Variants in ZNF668 observed in about 807,000 individuals in gnomAD.
ZNF668 encodes zinc finger protein 668.
Under a neutral mutation model 40.3 loss-of-function variants are expected in ZNF668, and 10 were observed. The observed-to-expected ratio is 0.25, with a 90% CI of 0.15 to 0.42. The LOEUF (loss-of-function observed/expected upper bound fraction) is 0.42, where lower values mean the gene tolerates loss of function less well. ZNF668 is among the 10% of genes least tolerant of loss of function. The pLI, the probability that ZNF668 is intolerant of heterozygous loss-of-function variation, is 1.00. For missense variants in ZNF668, 749 were observed against 904.6 expected (o/e 0.83, Z 2.21); for synonymous variants, 428 against 384.6 (o/e 1.11, Z -1.32).
chr16:31,062,373 G>A (rs1296789610), intron 2 of ZNF668, 93 bp from the exon 3 acceptor site: 2 of 1,473,254 alleles, frequency 1.4e-6, no homozygotes, highest in Non-Finnish European at 1.8e-6. Flanking sequence ...CTCCCCAAAC[G>A]TTCGTGGGGG....
chr16:31,074,157 G>A lies in ZNF668; in HGVS notation c.-521C>T, dbSNP rs1288301250. 1 of 152,234 alleles carries A rather than the reference G, an allele frequency of 6.6e-6. No individual in the cohort carries two copies. The highest frequency in any genetic ancestry group is 1.5e-5 in the Non-Finnish European group (1 of 68,056). The allele number at this position is 152,234 out of a possible 1,614,324, so 9.4% of individuals were successfully genotyped here. ...AAGTGTCACCAAAGTACTGTGGCCA[G>A]GGCTGTAGAATCTTTTTCTCCCTTT... On this transcript the variant is annotated 5_prime_UTR_variant, in exon 1 of 3. Transcript: ENST00000300849.
At chr16:31,063,353 A>G (rs1229174029) in intron 2 of ZNF668, among the ~76,000 whole-genome samples, 2 of 151,148 alleles carry the variant, frequency 1.3e-5, no homozygotes, top group African/African-American at 4.9e-5. Flanking sequence ...CTGGTCTTGA[A>G]CTCTTGGGCT....
chr16:31,068,855 C>G (rs948424027), intron 1 of ZNF668: 2 of 152,218 alleles, frequency 1.3e-5, no homozygotes, highest in African/African-American at 4.8e-5. Context: ...AGTGATCCTC[C>G]CACCGCAGCC....
At chr16:31,070,028 C>A (rs2057004697) in intron 1 of ZNF668, among the ~76,000 whole-genome samples, 1 of 152,346 alleles carries the variant, frequency 6.6e-6, no homozygotes, top group African/African-American at 2.4e-5. Context: ...CCTGCCTCGG[C>A]CTCCCAGAGT....
intron 2 of ZNF668, chr16:31,062,588 C>A (rs2056940899): frequency 6.9e-6 from 2 of 290,766 alleles, no homozygotes; most frequent in East Asian, 7.5e-5. Context: ...CACGGTGAAA[C>A]CCCGTCTCTA....
intron 2 of ZNF668, 187 bp from the exon 3 acceptor site, chr16:31,062,467 A>G: frequency 1.3e-6 from 1 of 794,116 alleles, no homozygotes; most frequent in East Asian, 2.8e-5. Context: ...TATTCCAAAG[A>G]CCTGTCTCTG....
In ZNF668 at chr16:31,061,702, T is replaced by A; in HGVS notation, c.1226A>T (p.Lys409Met). ...KSFVVSSSLR[K>M]HERTHRSSEA... ...ACTGCTTCGATGGGTCCGCTCGTGCTTCCTCAGGCTCGACGACACCACAAA... is the reference window on the plus strand; with the variant it reads ...ACTGCTTCGATGGGTCCGCTCGTGCATCCTCAGGCTCGACGACACCACAAA... The change falls in exon 3 of 3, where the codon AAG becomes ATG. Residue 409 changes from lysine (K) to methionine (M), a missense_variant. Transcript: ENST00000300849. This position sits in a 1 kb window ranked among gnomAD's most constrained non-coding sequence, Gnocchi z 7.7. 1.2e-6 allele frequency: 2 copies of A among 1,613,722 alleles called. No homozygotes were observed. The highest frequency in any genetic ancestry group is 8.5e-7 in the Non-Finnish European group (1 of 1,179,910).
chr16:31,060,920 T>C lies in ZNF668; in HGVS notation c.*148A>G. On this transcript the variant is annotated 3_prime_UTR_variant, in exon 3 of 3. Transcript: ENST00000300849. ...TCTCAGCTTCTGCCAGCCTCCACTG[T>C]CCCAGCTCTCTTAGCTGGCCGACAG... is the stretch of plus-strand genomic sequence containing the variant. 1.0e-6 allele frequency: 1 copy of C among 997,452 alleles called. No individual in the cohort carries two copies. The highest frequency in any genetic ancestry group is 3.2e-5 in the South Asian group (1 of 30,882). 61.8% of individuals were successfully genotyped at this position (997,452 alleles called of 1,614,324 possible). A position where few individuals can be genotyped will look rare whatever the true frequency, so the allele number is the denominator to read the frequency against.
rs1319617466 is a variant in ZNF668 at position 31,062,251 on chromosome 16, C to T, written c.677G>A (p.Cys226Tyr). Residue 226 changes from cysteine (C) to tyrosine (Y), a missense_variant, in exon 3 of 3, where the codon TGC becomes TAC. Coordinates refer to ENST00000300849, the MANE Select transcript of ZNF668 (RefSeq NM_024706.5). ...RSHTGERPFL[C>Y]SECGKSFSRS... ...GGAGAAGCTCTTCCCGCACTCGGAG[C>T]AGAGGAAGGGGCGCTCGCCGGTGTG... 6.2e-7 allele frequency: 1 copy of T among 1,609,370 alleles called. No homozygotes were observed. The highest frequency in any genetic ancestry group is 8.5e-7 in the Non-Finnish European group (1 of 1,177,530).
Position 31,061,260 on chromosome 16 carries a change from C to G in ZNF668, c.1668G>C (p.Arg556=). Residue 556 remains arginine, a synonymous_variant, in exon 3 of 3, where the codon CGG becomes CGC. Coordinates refer to ENST00000300849, the MANE Select transcript of ZNF668 (RefSeq NM_024706.5). This position sits in a 1 kb window ranked among gnomAD's most constrained non-coding sequence, Gnocchi z 7.7. ...TGCGGCTGTGTTTGCGCAGCCCAGC[C>G]CGGTCAGAGAAGCTCTTGCCGCACT... ...CTQCGKSFSD[R]AGLRKHSRTH... is the part of the protein sequence containing the mutation. The G allele has an allele frequency of 6.5e-7, 1 of 1,549,178 alleles. No individual in the cohort carries two copies. Among genetic ancestry groups the G allele is most frequent in the Non-Finnish European group, 8.7e-7 (1 of 1,147,632 alleles).
At chr16:31,065,212 T>A in intron 1 of ZNF668, 1 of 879,954 alleles carries the variant, frequency 1.1e-6, no homozygotes, top group Non-Finnish European at 1.4e-6. Flanking sequence ...AACTGATGTA[T>A]CTGATCTAAC....
rs1298178335 is a variant in ZNF668 at position 31,062,223 on chromosome 16, G to A, written c.705C>T (p.Arg235=). 1.9e-6 allele frequency: 3 copies of A among 1,612,782 alleles called. No individual in the cohort carries two copies. The highest frequency in any genetic ancestry group is 2.7e-5 in the African/African-American group (2 of 74,902). Residue 235 remains arginine (R), a synonymous_variant, in exon 3 of 3, where the codon CGC becomes CGT. Coordinates refer to ENST00000300849, the MANE Select transcript of ZNF668 (RefSeq NM_024706.5). ...LCSECGKSFS[R]SSSLTCHQRI... is the part of the protein sequence containing the mutation. ...GCTGGTGGCACGTGAGCGAGGATGAGCGGGAGAAGCTCTTCCCGCACTCGG... is the reference window on the plus strand; with the variant it reads ...GCTGGTGGCACGTGAGCGAGGATGAACGGGAGAAGCTCTTCCCGCACTCGG...
At position 31,063,891 on chromosome 16, in the gene ZNF668, T is replaced by A. The variant is rs2056957970; in HGVS notation, c.569A>T (p.His190Leu). 5.0e-6 allele frequency: 8 copies of A among 1,594,626 alleles called. No homozygotes were observed. Among genetic ancestry groups the A allele is most frequent in the Non-Finnish European group, 6.8e-6 (8 of 1,171,022 alleles). ...ACAGCTGTAGGGCCGCAGGCCAGCG[T>A]GAGTACGCCGGTGCTTGCGGAACAC... ...PSVFRKHRRT[H>L]AGLRPYSCER... Residue 190 changes from histidine (H) to leucine (L), a missense_variant, in exon 2 of 3, where the codon CAC (histidine) becomes CTC (leucine). By Grantham distance (99) the His-to-Leu change is moderately conservative. This residue lies in a region of ZNF668 where 151 missense variants were observed against 178.6 expected (regional missense o/e 0.85). Transcript: ENST00000300849.
At chr16:31,065,089 G>A (rs1247179718) in intron 1 of ZNF668, 2 of 1,026,858 alleles carry the variant, frequency 1.9e-6, no homozygotes, top group Non-Finnish European at 2.3e-6. Flanking sequence ...ACTGGAATCT[G>A]TCCACTCTCT....
chr16:31,064,789 A>G, intron 1 of ZNF668: 1 of 1,478,254 alleles, frequency 6.8e-7, no homozygotes, highest in Non-Finnish European at 8.9e-7. Context: ...CCCAGGTTCC[A>G]TCTGTCTCAC....
At chr16:31,062,445 G>A in intron 2 of ZNF668, 165 bp from the exon 3 acceptor site, 1 of 995,732 alleles carries the variant, frequency 1.0e-6, no homozygotes. Flanking sequence ...CTTCAGGCTG[G>A]CTGGGTGTCT....
At chr16:31,072,915 C>T (rs1203715470) in intron 1 of ZNF668, 1 of 152,332 alleles carries the variant, frequency 6.6e-6, no homozygotes, top group Non-Finnish European at 1.5e-5. Context: ...CCCTAGTGCC[C>T]TCAGGAATAC....
chr16:31,062,044 A>C lies in ZNF668; in HGVS notation c.884T>G (p.Phe295Cys). 1 of 1,613,700 alleles carries C rather than the reference A, an allele frequency of 6.2e-7. No homozygotes were observed. Among genetic ancestry groups the C allele is most frequent in the Non-Finnish European group, 8.5e-7 (1 of 1,179,836 alleles). Reference protein sequence around the residue: ...CGRMFSDPSSFRRHQRAHEGV... With the variant: ...CGRMFSDPSSCRRHQRAHEGV... ...TTCATGGGCGCGCTGGTGGCGACGG[A>C]AGCTCGAGGGGTCGGAGAACATGCG... Residue 295 changes from phenylalanine to cysteine, a missense_variant, in exon 3 of 3, where the codon TTC becomes TGC. This residue lies in a region of ZNF668 where 129 missense variants were observed against 231.2 expected (regional missense o/e 0.56). Transcript: ENST00000300849.
At position 31,062,052 on chromosome 16, in the gene ZNF668, G is replaced by A. The variant is rs1214815134; in HGVS notation, c.876C>T (p.Pro292=). Residue 292 remains proline, a synonymous_variant, in exon 3 of 3, where the codon CCC becomes CCT. Coordinates refer to ENST00000300849, the MANE Select transcript of ZNF668 (RefSeq NM_024706.5). The part of the protein sequence containing the change: ...CPRCGRMFSD[P]SSFRRHQRAH... ...CGCGCTGGTGGCGACGGAAGCTCGA[G>A]GGGTCGGAGAACATGCGGCCGCAGC... is the stretch of plus-strand genomic sequence containing the variant. 5.6e-6 allele frequency: 9 copies of A among 1,613,558 alleles called. No homozygotes were observed. The highest frequency in any genetic ancestry group is 1.7e-4 in the Middle Eastern group (1 of 6,060).
Sources: gnomAD v4.1 joint callset for allele counts (sites outside exome capture counted in the v4.1 genomes callset) on GRCh38, gnomAD v4.1.1 for gene constraint, gnomAD v4.1.1 regional missense constraint, Gnocchi (gnomAD v3.1) non-coding constraint, MANE v1.5 for transcripts, NCBI Gene and HGNC (gene_info 2026-07-23, HGNC 2026-07-21) for gene names.